Variants in PTN observed in about 807,000 individuals in gnomAD.
PTN encodes heparin affin regulatory protein.
A neutral mutation model predicts 24.1 loss-of-function variants in PTN; 18 were observed. That is an observed-to-expected ratio of 0.75 (90% CI 0.52 to 1.11). The LOEUF (loss-of-function observed/expected upper bound fraction) is 1.11, where lower values mean the gene tolerates loss of function less well. Ranked by LOEUF, PTN falls within the 50% of genes least tolerant of loss-of-function variation. The probability of loss-of-function intolerance (pLI) is 0.00; values close to 1 mark genes in which losing one functional copy is unlikely to be tolerated. For missense variants in PTN, 163 were observed against 198.8 expected (o/e 0.82, Z 1.08); for synonymous variants, 78 against 68.6 (o/e 1.14, Z -0.67).
At chr7:137,342,501 T>C (rs1345372028) in intron 1 of PTN, among the ~76,000 whole-genome samples, 3 of 147,162 alleles carry the variant, frequency 2.0e-5, no homozygotes, top group African/African-American at 7.4e-5. Context: ...AACACTAGAG[T>C]GTATATAAAC....
At chr7:137,286,462 A>AT (rs1335575056) in intron 1 of PTN, among the ~76,000 whole-genome samples, 1 of 152,132 alleles carries the variant, frequency 6.6e-6, no homozygotes, top group Non-Finnish European at 1.5e-5. Flanking sequence ...ATCAATTCCT[A>AT]TTTTCACCTC....
chr7:137,229,065 A>T (rs920122238), intron 4 of PTN, among the ~76,000 whole-genome samples: 1 of 151,806 alleles, frequency 6.6e-6, no homozygotes, highest in Non-Finnish European at 1.5e-5. Flanking sequence ...ACTCATCTTT[A>T]AATAGGCATA....
intron 4 of PTN, among the ~76,000 whole-genome samples, chr7:137,231,943 G>T (rs1808433317): frequency 6.6e-6 from 1 of 151,844 alleles, no homozygotes; most frequent in African/African-American, 2.4e-5. Flanking sequence ...ATGAGATGTG[G>T]GTCACAAATT....
intron 2 of PTN, 34 bp from the exon 3 acceptor site, chr7:137,253,671 A>G: frequency 6.8e-7 from 1 of 1,468,494 alleles, no homozygotes; most frequent in Non-Finnish European, 9.1e-7. Flanking sequence ...ATCAACATAC[A>G]GAAAACTCCT....
chr7:137,283,783 T>C (rs1809509147), intron 1 of PTN, among the ~76,000 whole-genome samples: 1 of 152,008 alleles, frequency 6.6e-6, no homozygotes, highest in African/African-American at 2.4e-5. Context: ...GTGATTCTGA[T>C]CACTCACTGT....
At chr7:137,272,819 G>A (rs1303704074) in intron 1 of PTN, among the ~76,000 whole-genome samples, 2 of 152,194 alleles carry the variant, frequency 1.3e-5, no homozygotes, top group Non-Finnish European at 2.9e-5. Context: ...GATACTGAAA[G>A]TCCACTATAG....
intron 2 of PTN, among the ~76,000 whole-genome samples, chr7:137,254,619 A>G (rs987207753): frequency 6.6e-6 from 1 of 152,064 alleles, no homozygotes; most frequent in Admixed American, 6.6e-5. Context: ...GTAGCTGCTA[A>G]TTTGATCATT....
chr7:137,330,190 G>A (rs1288209584), intron 1 of PTN, among the ~76,000 whole-genome samples: 1 of 152,096 alleles, frequency 6.6e-6, no homozygotes, highest in East Asian at 1.9e-4. Context: ...GGGAGACTGA[G>A]GCAAGAGAAA....
At chr7:137,264,162 T>G (rs532673017) in intron 1 of PTN, among the ~76,000 whole-genome samples, 5 of 152,310 alleles carry the variant, frequency 3.3e-5, no homozygotes, top group African/African-American at 1.2e-4. Flanking sequence ...TTATGGCCAT[T>G]GATCTCCTGT....
intron 1 of PTN, among the ~76,000 whole-genome samples, chr7:137,335,591 G>T (rs1585049872): frequency 6.6e-6 from 1 of 152,098 alleles, no homozygotes; most frequent in African/African-American, 2.4e-5. Context: ...AACTGTTGTG[G>T]CTTGCTACTC....
intron 2 of PTN, 53 bp downstream of exon 2, chr7:137,254,806 C>T: frequency 8.0e-7 from 1 of 1,242,562 alleles, no homozygotes; most frequent in Non-Finnish European, 1.1e-6. Context: ...GGTAATTAGA[C>T]TAGATGGACA....
chr7:137,247,206 A>G (rs1458658908), intron 4 of PTN, among the ~76,000 whole-genome samples: 1 of 152,220 alleles, frequency 6.6e-6, no homozygotes, highest in Non-Finnish European at 1.5e-5. Context: ...TTGAAAAGAT[A>G]TCTGTACCCC....
intron 1 of PTN, among the ~76,000 whole-genome samples, chr7:137,329,444 G>T (rs1476533374): frequency 1.3e-5 from 2 of 152,130 alleles, no homozygotes; most frequent in Non-Finnish European, 1.5e-5. Context: ...CACAGCAAGG[G>T]AAGTTAGGGA....
At chr7:137,249,127 T>C (rs1808777492) in intron 4 of PTN, among the ~76,000 whole-genome samples, 4 of 152,222 alleles carry the variant, frequency 2.6e-5, no homozygotes, top group African/African-American at 9.6e-5. Context: ...TCATGTTCCC[T>C]GCTGTGTCCC....
At chr7:137,244,072 T>G (rs1171055386) in intron 4 of PTN, among the ~76,000 whole-genome samples, 1 of 152,208 alleles carries the variant, frequency 6.6e-6, no homozygotes, top group Non-Finnish European at 1.5e-5. Context: ...ATGTTTTAAC[T>G]AATTTAATTA....
rs151053793 is a variant in PTN, at chr7:137,283,892, T to G, written c.-1-28918A>C. On this transcript the variant is annotated intron_variant, in intron 1 of 4. Transcript: ENST00000348225. Reference sequence around the variant, plus strand: ...ATACACATAGTCCTACTCAATCTCCTTCTACCTAATGATTTAATGCATGCA... The same window carrying G: ...ATACACATAGTCCTACTCAATCTCCGTCTACCTAATGATTTAATGCATGCA... 2.8e-3 allele frequency among the ~76,000 whole-genome samples: 423 copies of G among 148,482 alleles called. 2 individuals carry two copies. Among genetic ancestry groups the G allele is most frequent in the African/African-American group, 0.01 (407 of 40,592 alleles).
intron 1 of PTN, among the ~76,000 whole-genome samples, chr7:137,286,119 G>A (rs975023588): frequency 6.6e-6 from 1 of 152,160 alleles, no homozygotes; most frequent in African/African-American, 2.4e-5. Context: ...TTAGGGTGGA[G>A]TCAAATAACC....
At chr7:137,240,548 A>C (rs1808611031) in intron 4 of PTN, among the ~76,000 whole-genome samples, 1 of 152,246 alleles carries the variant, frequency 6.6e-6, no homozygotes, top group African/African-American at 2.4e-5. Context: ...TATGAAAGAA[A>C]AGAAGAAGGA....
At chr7:137,262,380 C>G (rs1194418350) in intron 1 of PTN, among the ~76,000 whole-genome samples, 1 of 151,982 alleles carries the variant, frequency 6.6e-6, no homozygotes, top group Non-Finnish European at 1.5e-5. Context: ...AAATAGATTT[C>G]TTATCATTCT....
Sources: gnomAD v4.1 joint callset for allele counts (sites outside exome capture counted in the v4.1 genomes callset) on GRCh38, gnomAD v4.1.1 for gene constraint, MANE v1.5 for transcripts, NCBI Gene and HGNC (gene_info 2026-07-23, HGNC 2026-07-21) for gene names.